AGBL1: variants seen among roughly 807,000 people sequenced by gnomAD.
AGBL1 encodes cytosolic carboxypeptidase 4.
AGBL1 carries 130 observed loss-of-function variants against 118.9 expected under a neutral mutation model. That is an observed-to-expected ratio of 1.09 (90% CI 0.95 to 1.26). AGBL1 has a LOEUF of 1.26. AGBL1 is among the 50% of genes most tolerant of loss of function. AGBL1 has a pLI of 0.00. For synonymous variants in AGBL1, 555 were observed against 478.9 expected, an observed-to-expected ratio of 1.16 and a Z score of -2.08; for missense variants, 1,584 against 1,298.1, an observed-to-expected ratio of 1.22 and a Z score of -3.38.
chr15:86,089,353 G>A (rs1406863516), intron 1 of AGBL1, among the ~76,000 whole-genome samples: 1 of 152,122 alleles, frequency 6.6e-6, no homozygotes, highest in Non-Finnish European at 1.5e-5. Flanking sequence ...CAGTCTGCAG[G>A]CCTTGCATTG....
At chr15:86,341,086 G>C (rs964209091) in intron 17 of AGBL1, among the ~76,000 whole-genome samples, 1 of 152,188 alleles carries the variant, frequency 6.6e-6, no homozygotes, top group African/African-American at 2.4e-5. Flanking sequence ...GCAAAGTCCA[G>C]GTCTCCCCCT....
intron 17 of AGBL1, among the ~76,000 whole-genome samples, chr15:86,373,926 G>A (rs1279947683): frequency 6.6e-6 from 1 of 152,224 alleles, no homozygotes; most frequent in Non-Finnish European, 1.5e-5. Flanking sequence ...AGGGCTTGCT[G>A]TATAGTAGCT....
chr15:86,341,060 T>G (rs2080454226), intron 17 of AGBL1, among the ~76,000 whole-genome samples: 1 of 151,788 alleles, frequency 6.6e-6, no homozygotes, highest in Non-Finnish European at 1.5e-5. Context: ...GACGTGGGAG[T>G]CCAGGCTTCT....
At chr15:86,165,775 A>G (rs1293075881) in intron 5 of AGBL1, among the ~76,000 whole-genome samples, 3 of 151,928 alleles carry the variant, frequency 2.0e-5, no homozygotes. Context: ...TCCAATTCAA[A>G]TACCTTGGAA....
At chr15:86,924,030 G>A (rs950847755) in intron 23 of AGBL1, among the ~76,000 whole-genome samples, 2 of 152,156 alleles carry the variant, frequency 1.3e-5, no homozygotes, top group South Asian at 2.1e-4. Context: ...ATAAATACGT[G>A]TCAATTATTT....
At chr15:86,666,934 G>A (rs964119034) in intron 21 of AGBL1, among the ~76,000 whole-genome samples, 18 of 152,136 alleles carry the variant, frequency 1.2e-4, no homozygotes, top group African/African-American at 4.3e-4. Flanking sequence ...CACACACCAT[G>A]CCAGGCTATC....
chr15:86,704,177 A>G (rs1044103513), intron 22 of AGBL1, among the ~76,000 whole-genome samples: 1 of 152,206 alleles, frequency 6.6e-6, no homozygotes, highest in Non-Finnish European at 1.5e-5. Flanking sequence ...ATCCCAAACC[A>G]TAAAAACCCT....
chr15:86,685,874 A>C (rs2142582268), intron 22 of AGBL1, among the ~76,000 whole-genome samples: 1 of 152,276 alleles, frequency 6.6e-6, no homozygotes, highest in African/African-American at 2.4e-5. Flanking sequence ...TTAGTCCATA[A>C]AATGTGATCT....
chr15:86,956,272 G>C (rs1425128831), intron 23 of AGBL1, among the ~76,000 whole-genome samples: 1 of 149,558 alleles, frequency 6.7e-6, no homozygotes, highest in Non-Finnish European at 1.5e-5. Flanking sequence ...TTAGATAGAT[G>C]ATAGAGATGA....
At position 86,668,578 on chromosome 15, in the gene AGBL1, T is replaced by C. The variant is rs74432845; in HGVS notation, c.2995-5695T>C. Among the ~76,000 whole-genome samples the C allele has an allele frequency of 6.7e-3, 1,018 of 152,300 alleles. 8 individuals carry two copies. Among genetic ancestry groups the C allele is most frequent in the East Asian group, 0.02 (105 of 5,168 alleles). ...CTGCAATATTTCTTCACAGATTTAATGTCTTTCCTCTGTGCATGTTTACAG... is the reference window on the plus strand; with the variant it reads ...CTGCAATATTTCTTCACAGATTTAACGTCTTTCCTCTGTGCATGTTTACAG... On this transcript the variant is annotated intron_variant, in intron 21 of 22. Transcript: ENST00000614907.
chr15:86,417,279 C>A (rs950653524), intron 18 of AGBL1, among the ~76,000 whole-genome samples: 4 of 152,128 alleles, frequency 2.6e-5, no homozygotes, highest in African/African-American at 9.7e-5. Flanking sequence ...TTGAATTACT[C>A]TTCTTTGGAC....
At chr15:86,252,132 T>C (rs893556907) in intron 7 of AGBL1, among the ~76,000 whole-genome samples, 2 of 152,228 alleles carry the variant, frequency 1.3e-5, no homozygotes, top group Non-Finnish European at 2.9e-5. Flanking sequence ...TCTCAGGTGA[T>C]ACTGATGCTA....
intron 21 of AGBL1, among the ~76,000 whole-genome samples, chr15:86,611,847 G>C (rs767343418): frequency 1.3e-5 from 2 of 152,050 alleles, no homozygotes; most frequent in African/African-American, 2.4e-5. Flanking sequence ...GTAAACTCAG[G>C]GTGAGTCAAC....
intron 22 of AGBL1, among the ~76,000 whole-genome samples, chr15:86,813,333 A>G (rs1225277842): frequency 2.6e-5 from 4 of 152,124 alleles, no homozygotes; most frequent in African/African-American, 7.2e-5. Context: ...CGTTTTCCCA[A>G]TGATTTTTCA....
intron 18 of AGBL1, among the ~76,000 whole-genome samples, chr15:86,492,818 T>C (rs559193275): frequency 1.3e-5 from 2 of 152,158 alleles, no homozygotes; most frequent in East Asian, 1.9e-4. Flanking sequence ...TGAAGTAGTA[T>C]GGTAAAAGTG....
intron 18 of AGBL1, among the ~76,000 whole-genome samples, chr15:86,469,975 C>T: frequency 6.6e-6 from 1 of 152,110 alleles, no homozygotes; most frequent in East Asian, 1.9e-4. Flanking sequence ...TGGATGTTAG[C>T]CCCTTACAGA....
intron 22 of AGBL1, among the ~76,000 whole-genome samples, chr15:86,865,784 A>G (rs780828145): frequency 1.4e-4 from 22 of 152,150 alleles, no homozygotes; most frequent in Non-Finnish European, 2.9e-4. Context: ...AATGGAGTCT[A>G]TGTTTAGCCT....
chr15:86,328,086 AC>A (rs2080212407), intron 17 of AGBL1, among the ~76,000 whole-genome samples: 1 of 152,226 alleles, frequency 6.6e-6, no homozygotes, highest in African/African-American at 2.4e-5. Context: ...AGATGAGTCA[AC>A]AAATACTTAA....
intron 22 of AGBL1, among the ~76,000 whole-genome samples, chr15:86,727,109 TG>T (rs1386911367): frequency 6.6e-6 from 1 of 152,142 alleles, no homozygotes; most frequent in Non-Finnish European, 1.5e-5. Context: ...CTTGGGATGA[TG>T]GGGACTCTAG....
Sources: gnomAD v4.1 joint callset for allele counts (sites outside exome capture counted in the v4.1 genomes callset) on GRCh38, gnomAD v4.1.1 for gene constraint, MANE v1.5 for transcripts, NCBI Gene and HGNC (gene_info 2026-07-23, HGNC 2026-07-21) for gene names.